Variants in FLI1 observed in about 807,000 individuals in gnomAD.
FLI1 encodes the protein Friend leukemia integration 1 transcription factor.
In FLI1, 13 loss-of-function variants were observed where a neutral mutation model predicts 53.1. The observed-to-expected ratio is 0.24, with a 90% CI of 0.16 to 0.39. FLI1 has a LOEUF of 0.39. FLI1 is among the 10% of genes least tolerant of loss of function. FLI1 has a pLI of 1.00. For synonymous variants in FLI1, 244 were observed against 236.7 expected, an observed-to-expected ratio of 1.03 and a Z score of -0.28; for missense variants, 424 against 600.5, an observed-to-expected ratio of 0.71 and a Z score of 3.07.
chr11:128,800,519 A>G (rs1283340723), intron 5 of FLI1, among the ~76,000 whole-genome samples: 2 of 152,220 alleles, frequency 1.3e-5, no homozygotes, highest in Non-Finnish European at 2.9e-5. Context: ...ATGTTTGGCC[A>G]TATTTCTAGG....
upstream of FLI1, chr11:128,686,265 G>C (rs182299411): frequency 3.0e-3 from 1,340 of 450,720 alleles, 6 homozygotes; most frequent in Non-Finnish European, 4.3e-3. Context: ...CACGCACCAA[G>C]AACTAGAACA....
intron 1 of FLI1, among the ~76,000 whole-genome samples, chr11:128,729,266 A>G (rs1939602475): frequency 6.6e-6 from 1 of 152,200 alleles, no homozygotes. Context: ...TTTATCAACC[A>G]TGTTCGCATT....
chr11:128,805,337 A>T (rs781261867), intron 5 of FLI1, 29 bp from the exon 6 acceptor site: 2 of 1,414,930 alleles, frequency 1.4e-6, no homozygotes, highest in South Asian at 2.5e-5. Flanking sequence ...GGCGATGCTA[A>T]TGTACCCCTA....
At chr11:128,783,588 A>G (rs1015452914) in intron 5 of FLI1, among the ~76,000 whole-genome samples, 1 of 152,220 alleles carries the variant, frequency 6.6e-6, no homozygotes, top group Non-Finnish European at 1.5e-5. Flanking sequence ...CTATTTTAAT[A>G]TGCTGTTGCA....
chr11:128,732,484 G>A (rs561816184), intron 1 of FLI1, among the ~76,000 whole-genome samples: 2 of 152,194 alleles, frequency 1.3e-5, no homozygotes, highest in Non-Finnish European at 2.9e-5. Flanking sequence ...ACAAAACAGA[G>A]GAAGACCCTG....
At chr11:128,772,678 G>A (rs1297321804) in intron 3 of FLI1, 104 bp from the exon 4 acceptor site, 1 of 881,242 alleles carries the variant, frequency 1.1e-6, no homozygotes, top group Non-Finnish European at 1.9e-6. Context: ...CAGAGAGAAA[G>A]AGAAGGGAAA....
At chr11:128,774,626 G>A (rs948235368) in intron 4 of FLI1, among the ~76,000 whole-genome samples, 1 of 152,196 alleles carries the variant, frequency 6.6e-6, no homozygotes, top group Admixed American at 6.5e-5. Context: ...GCCAGGAGTA[G>A]AGAGGACAAC....
At chr11:128,728,554 G>T (rs1270798773) in intron 1 of FLI1, among the ~76,000 whole-genome samples, 3 of 152,214 alleles carry the variant, frequency 2.0e-5, no homozygotes, top group Non-Finnish European at 4.4e-5. Flanking sequence ...TCTCCCTGAG[G>T]CAGGTTCTAT....
At chr11:128,702,083 G>A (rs965942240) in intron 1 of FLI1, among the ~76,000 whole-genome samples, 1 of 152,208 alleles carries the variant, frequency 6.6e-6, no homozygotes, top group Non-Finnish European at 1.5e-5. Context: ...CTATGGAAAA[G>A]CGTATGTTTC....
chr11:128,777,712 G>C (rs1941779689), intron 4 of FLI1, among the ~76,000 whole-genome samples: 1 of 152,272 alleles, frequency 6.6e-6, no homozygotes, highest in African/African-American at 2.4e-5. Flanking sequence ...AGCCAGAGCT[G>C]TTGATATAGC....
At chr11:128,757,432 C>T (rs890321090) in intron 1 of FLI1, among the ~76,000 whole-genome samples, 5 of 152,272 alleles carry the variant, frequency 3.3e-5, no homozygotes, top group South Asian at 4.1e-4. Context: ...ACAGGATGCA[C>T]CAGCACCTCC....
At chr11:128,782,372 C>A (rs1370887335) in intron 5 of FLI1, among the ~76,000 whole-genome samples, 1 of 152,166 alleles carries the variant, frequency 6.6e-6, no homozygotes, top group African/African-American at 2.4e-5. Context: ...AGGATTCCAG[C>A]ATGTCTACCT....
chr11:128,780,629 C>A (rs933733526), intron 4 of FLI1, among the ~76,000 whole-genome samples: 1 of 152,196 alleles, frequency 6.6e-6, no homozygotes, highest in Non-Finnish European at 1.5e-5. Flanking sequence ...TCTTCCTCAT[C>A]GTCTGGCTTG....
intron 1 of FLI1, among the ~76,000 whole-genome samples, chr11:128,734,673 G>T (rs1248187056): frequency 6.6e-6 from 1 of 152,142 alleles, no homozygotes; most frequent in Non-Finnish European, 1.5e-5. Flanking sequence ...TGTCAGGGAG[G>T]CCTGTTGCTT....
At chr11:128,762,183 A>T (rs1941146203) in intron 2 of FLI1, among the ~76,000 whole-genome samples, 1 of 152,184 alleles carries the variant, frequency 6.6e-6, no homozygotes, top group Non-Finnish European at 1.5e-5. Flanking sequence ...TAAATCTCTC[A>T]TCCTGAACAC....
intron 1 of FLI1, among the ~76,000 whole-genome samples, chr11:128,721,424 G>A (rs770583258): frequency 7.0e-4 from 106 of 152,308 alleles, no homozygotes; most frequent in Non-Finnish European, 1.2e-3. Flanking sequence ...GGTGGGGATT[G>A]CAGGGGAGAT....
chr11:128,715,127 G>A (rs1384829925), intron 1 of FLI1, among the ~76,000 whole-genome samples: 2 of 152,142 alleles, frequency 1.3e-5, no homozygotes, highest in Non-Finnish European at 2.9e-5. Context: ...GCCAAAAGTT[G>A]TGCAGCTAGC....
chr11:128,789,401 G>A (rs796743482), intron 5 of FLI1, among the ~76,000 whole-genome samples: 2 of 152,176 alleles, frequency 1.3e-5, no homozygotes, highest in African/African-American at 2.4e-5. Context: ...TCATTTGGCC[G>A]GGGAGGGCGG....
intron 3 of FLI1, among the ~76,000 whole-genome samples, chr11:128,772,276 A>G (rs1365782872): frequency 6.6e-6 from 1 of 152,164 alleles, no homozygotes; most frequent in African/African-American, 2.4e-5. Flanking sequence ...AAAAGGAGAA[A>G]AATCTAGTTT....
Sources: allele counts gnomAD v4.1 joint callset (sites outside exome capture counted in the v4.1 genomes callset), GRCh38; gene constraint gnomAD v4.1.1; transcripts MANE v1.5; gene names NCBI Gene and HGNC (gene_info 2026-07-23, HGNC 2026-07-21).